Variants in COL25A1 observed in about 807,000 individuals in gnomAD.
COL25A1 encodes the protein collagen type XXV alpha 1 chain, also known as collagen alpha-1(XXV) chain.
Under a neutral mutation model 128.4 loss-of-function variants are expected in COL25A1, and 103 were observed. The ratio of observed to expected loss-of-function variants is 0.80; its 90% CI spans 0.68 to 0.94. The LOEUF is 0.94. Ranked by LOEUF, COL25A1 falls within the 40% of genes least tolerant of loss-of-function variation. The pLI is 0.00. For synonymous variants in COL25A1, 279 were observed against 277.2 expected (o/e 1.01, Z -0.06); for missense variants, 745 against 840.0 (o/e 0.89, Z 1.40).
chr4:108,901,036 T>C, intron 14 of COL25A1, 83 bp downstream of exon 14: 1 of 1,114,546 alleles, frequency 9.0e-7, no homozygotes, highest in South Asian at 1.3e-5. Context: ...GGTGAGATTG[T>C]TAAAAATTGT....
intron 19 of COL25A1, among the ~76,000 whole-genome samples, chr4:108,878,907 T>A (rs1435602656): frequency 1.3e-5 from 2 of 152,238 alleles, no homozygotes; most frequent in African/African-American, 4.8e-5. Flanking sequence ...TAATTATAAG[T>A]AACGATAACA....
chr4:109,251,230 A>G (rs1780625790), intron 3 of COL25A1, among the ~76,000 whole-genome samples: 1 of 152,206 alleles, frequency 6.6e-6, no homozygotes, highest in Non-Finnish European at 1.5e-5. Flanking sequence ...TTGTTTTTGT[A>G]GCTGGTCATG....
chr4:108,825,178 A>G lies in COL25A1; in HGVS notation c.1791+18T>C. ...CATCTATTATAATAGGATGATGTTT[A>G]TTGTACTTATTACTTACATCAAGAC... On this transcript the variant is annotated intron_variant, in intron 34 of 37. Transcript: ENST00000399132. 1 of 1,593,040 alleles carries G rather than the reference A, an allele frequency of 6.3e-7. No individual in the cohort carries two copies. Among genetic ancestry groups the G allele is most frequent in the Non-Finnish European group, 8.6e-7 (1 of 1,161,200 alleles).
intron 29 of COL25A1, among the ~76,000 whole-genome samples, 200 bp from the exon 30 acceptor site, chr4:108,844,769 C>T (rs1304598213): frequency 6.6e-6 from 1 of 151,938 alleles, no homozygotes; most frequent in Non-Finnish European, 1.5e-5. Flanking sequence ...AAAAAGTTCT[C>T]CAAAAGCCAG....
At chr4:109,278,462 T>A (rs909004496) in intron 3 of COL25A1, among the ~76,000 whole-genome samples, 1 of 152,252 alleles carries the variant, frequency 6.6e-6, no homozygotes, top group Non-Finnish European at 1.5e-5. Flanking sequence ...ATGTTTTATA[T>A]GTTTTTCCTA....
chr4:109,294,806 A>AAT (rs537237288), intron 3 of COL25A1, among the ~76,000 whole-genome samples: 241 of 152,234 alleles, frequency 1.6e-3, no homozygotes, highest in African/African-American at 5.4e-3. Context: ...TATTTGGATA[A>AAT]ATGTCTTGTG....
rs776444743 is a variant in COL25A1 at position 108,889,730 on chromosome 4, C to T, written c.910G>A (p.Asp304Asn). Residue 304 changes from aspartate (D) to asparagine (N), a missense_variant, in exon 17 of 38, where the codon GAC (aspartate) becomes AAC (asparagine). This residue lies in a region of COL25A1 where 39 missense variants were observed against 73.3 expected (regional missense o/e 0.53). Coordinates refer to ENST00000399132, the MANE Select transcript of COL25A1 (RefSeq NM_198721.4). ...GPKGDTGEKG[D>N]PGSSAAGIKG... is the part of the protein sequence containing the mutation. Reference sequence around the variant, plus strand: ...ATTCCTGCAGCAGATGATCCAGGGTCACCCTAAAACGAAACCCAGGAGAGA... The same window carrying T: ...ATTCCTGCAGCAGATGATCCAGGGTTACCCTAAAACGAAACCCAGGAGAGA... 4 of 1,613,406 alleles carry T rather than the reference C, an allele frequency of 2.5e-6. No homozygotes were observed. The South Asian group carries it at 4.4e-5, about 18-fold the overall frequency.
At chr4:109,116,157 T>G (rs1022987190) in intron 3 of COL25A1, among the ~76,000 whole-genome samples, 1 of 152,024 alleles carries the variant, frequency 6.6e-6, no homozygotes, top group African/African-American at 2.4e-5. Context: ...AGGGACACAG[T>G]AATGGGGCCC....
At chr4:108,904,926 C>A (rs2047001358) in intron 13 of COL25A1, among the ~76,000 whole-genome samples, 1 of 151,416 alleles carries the variant, frequency 6.6e-6, no homozygotes, top group African/African-American at 2.4e-5. Context: ...TTTAAAAAAA[C>A]AACTCTTTTA....
At position 109,271,041 on chromosome 4, in the gene COL25A1, G is replaced by T. The variant is rs1230428381; in HGVS notation, c.367+29542C>A. ...GCCAAGCCCAGAGAGTGGGTAAATA[G>T]CTGAGCCAGAATTAGGGCCAGGTCT... On this transcript the variant is annotated intron_variant, in intron 3 of 37. Coordinates refer to ENST00000399132, the MANE Select transcript of COL25A1 (RefSeq NM_198721.4). Among the ~76,000 whole-genome samples the T allele has an allele frequency of 3.9e-5, 6 of 152,272 alleles. No homozygotes were observed. The East Asian group carries it at 9.6e-4, about 24-fold the overall frequency.
At chr4:109,293,559 C>A (rs1724674531) in intron 3 of COL25A1, among the ~76,000 whole-genome samples, 1 of 152,028 alleles carries the variant, frequency 6.6e-6, no homozygotes, top group Admixed American at 6.6e-5. Flanking sequence ...TTAAAATGTG[C>A]TGACCACACT....
chr4:108,856,726 G>C (rs1736553834), intron 24 of COL25A1, among the ~76,000 whole-genome samples: 1 of 152,090 alleles, frequency 6.6e-6, no homozygotes, highest in Non-Finnish European at 1.5e-5. Flanking sequence ...GATATTGGCT[G>C]TTTAGTAGTC....
intron 3 of COL25A1, among the ~76,000 whole-genome samples, chr4:109,158,470 A>C (rs1286436149): frequency 6.6e-6 from 1 of 152,246 alleles, no homozygotes; most frequent in Non-Finnish European, 1.5e-5. Flanking sequence ...GTAGTAAAGC[A>C]AGGTGGAAAT....
At chr4:109,295,993 A>G (rs1489879554) in intron 3 of COL25A1, among the ~76,000 whole-genome samples, 1 of 152,080 alleles carries the variant, frequency 6.6e-6, no homozygotes, top group East Asian at 1.9e-4. Context: ...AGCCAGGTCC[A>G]GTGGTACTGT....
intron 19 of COL25A1, among the ~76,000 whole-genome samples, chr4:108,871,257 A>C (rs978154655): frequency 1.3e-5 from 2 of 152,260 alleles, no homozygotes; most frequent in African/African-American, 2.4e-5. Flanking sequence ...TTCTAGATAC[A>C]AAATTAGCAC....
chr4:109,153,119 C>A (rs551258672), intron 3 of COL25A1, among the ~76,000 whole-genome samples: 1 of 152,108 alleles, frequency 6.6e-6, no homozygotes, highest in Non-Finnish European at 1.5e-5. Context: ...GGCGCAGTGG[C>A]TCATGCCTGT....
intron 6 of COL25A1, among the ~76,000 whole-genome samples, chr4:108,976,956 T>C (rs1752498730): frequency 6.6e-6 from 1 of 152,232 alleles, no homozygotes; most frequent in East Asian, 1.9e-4. Flanking sequence ...GATAATCCTT[T>C]TACAGATGCC....
intron 3 of COL25A1, among the ~76,000 whole-genome samples, chr4:109,074,237 G>A (rs1163206160): frequency 6.6e-6 from 1 of 152,198 alleles, no homozygotes; most frequent in Admixed American, 6.5e-5. Flanking sequence ...ATTGCCTTCT[G>A]CTGTGCAGCC....
At chr4:109,190,180 A>G (rs1364309245) in intron 3 of COL25A1, among the ~76,000 whole-genome samples, 1 of 152,190 alleles carries the variant, frequency 6.6e-6, no homozygotes, top group Non-Finnish European at 1.5e-5. Context: ...GAGCCAGCCT[A>G]TTATTTTGGT....
Sources: allele counts gnomAD v4.1 joint callset (sites outside exome capture counted in the v4.1 genomes callset), GRCh38; gene constraint gnomAD v4.1.1; regional missense constraint gnomAD v4.1.1; transcripts MANE v1.5; gene names NCBI Gene and HGNC (gene_info 2026-07-23, HGNC 2026-07-21).